Variants in CAMK2G observed in about 807,000 individuals in gnomAD.
CAMK2G encodes the protein calcium/calmodulin dependent protein kinase II gamma, also known as calcium/calmodulin-dependent protein kinase type II subunit gamma.
Under a neutral mutation model 88.7 loss-of-function variants are expected in CAMK2G, and 23 were observed. The observed-to-expected ratio is 0.26, with a 90% CI of 0.19 to 0.37. The LOEUF (loss-of-function observed/expected upper bound fraction) is 0.37, where lower values mean the gene tolerates loss of function less well. Among genes scored for constraint, CAMK2G ranks in the 10% least tolerant of loss-of-function variants. The pLI is 1.00. For missense variants in CAMK2G, 476 were observed against 780.8 expected (o/e 0.61, Z 4.65); for synonymous variants, 263 against 294.8 (o/e 0.89, Z 1.11).
At chr10:73,846,128 ATTC>A (rs1164488357) in intron 10 of CAMK2G, among the ~76,000 whole-genome samples, 2 of 152,164 alleles carry the variant, frequency 1.3e-5, no homozygotes, top group African/African-American at 2.4e-5. Context: ...TGCAAATTTC[ATTC>A]TTCTTTAAAA....
At position 73,842,116 on chromosome 10, in the gene CAMK2G, T is replaced by C; in HGVS notation, c.946+53A>G. ...CGGTGCCCGGGATGGCAACAGCCCATTCCTGATCCACTCACCTCGGCATAA... is the reference window on the plus strand; with the variant it reads ...CGGTGCCCGGGATGGCAACAGCCCACTCCTGATCCACTCACCTCGGCATAA... On this transcript the variant is annotated intron_variant, in intron 12 of 22. Coordinates refer to ENST00000423381, the MANE Select transcript of CAMK2G (RefSeq NM_001367534.1). This position sits in a 1 kb window ranked among gnomAD's most constrained non-coding sequence, Gnocchi z 4.6. 1.4e-6 allele frequency: 2 copies of C among 1,452,522 alleles called. No homozygotes were observed. The highest frequency in any genetic ancestry group is 2.3e-5 in the East Asian group (1 of 44,102). The allele number at this position is 1,452,522 out of a possible 1,614,324, so 90.0% of individuals were successfully genotyped here.
chr10:73,848,380 A>G lies in CAMK2G; in HGVS notation c.601+146T>C. 1 of 686,446 alleles carries G rather than the reference A, an allele frequency of 1.5e-6. No individual in the cohort carries two copies. The highest frequency in any genetic ancestry group is 2.7e-6 in the Non-Finnish European group (1 of 373,966). 42.5% of individuals were successfully genotyped at this position (686,446 alleles called of 1,614,324 possible). On this transcript the variant is annotated intron_variant, in intron 8 of 22. Coordinates refer to ENST00000423381, the MANE Select transcript of CAMK2G (RefSeq NM_001367534.1). This position sits in a 1 kb window ranked among gnomAD's most constrained non-coding sequence, Gnocchi z 4.5. ...TACGCAGGGAGGAGGGTGTGATGGG[A>G]ACAGCCATCCCAGGGGCAAACACCA...
At chr10:73,825,440 T>TACCTCCTCCAGGCCA in intron 15 of CAMK2G, 93 bp from the exon 16 acceptor site, 1 of 963,720 alleles carries the variant, frequency 1.0e-6, no homozygotes, top group Non-Finnish European at 1.7e-6. Context: ...TGGTCTGGCC[T>TACCTCCTCCAGGCCA]GGAGGAGGTA....
At chr10:73,843,458 A>G (rs2093974422) in intron 10 of CAMK2G, among the ~76,000 whole-genome samples, 1 of 152,246 alleles carries the variant, frequency 6.6e-6, no homozygotes, top group South Asian at 2.1e-4. Context: ...CACTTCCTCA[A>G]TGACTCAGCT....
At chr10:73,855,510 A>C (rs1591030400) in intron 3 of CAMK2G, among the ~76,000 whole-genome samples, 1 of 152,152 alleles carries the variant, frequency 6.6e-6, no homozygotes, top group East Asian at 1.9e-4. Context: ...CCTCAGCCAG[A>C]ACCCCACCCC....
intron 2 of CAMK2G, among the ~76,000 whole-genome samples, chr10:73,866,013 G>A (rs1466073463): frequency 6.6e-6 from 1 of 152,158 alleles, no homozygotes; most frequent in East Asian, 1.9e-4. Flanking sequence ...CCCTCTGCAG[G>A]TTTTCCCCAT....
At chr10:73,840,034 C>A (rs1017320570) in intron 12 of CAMK2G, among the ~76,000 whole-genome samples, 1 of 152,144 alleles carries the variant, frequency 6.6e-6, no homozygotes, top group Admixed American at 6.5e-5. Flanking sequence ...GGGCGCAGAG[C>A]AGCCCTCTCC....
At chr10:73,853,389 G>A in intron 3 of CAMK2G, 143 bp from the exon 4 acceptor site, 1 of 705,894 alleles carries the variant, frequency 1.4e-6, no homozygotes. Flanking sequence ...GTGGCGACGT[G>A]CCCAGTGCCC....
intron 2 of CAMK2G, among the ~76,000 whole-genome samples, chr10:73,871,646 C>A (rs915357637): frequency 2.6e-5 from 4 of 151,824 alleles, no homozygotes; most frequent in African/African-American, 9.6e-5. Context: ...TCCAGGGTAT[C>A]TGACTGCCCA....
Position 73,824,713 on chromosome 10 carries a change from G to A in CAMK2G, c.1155+566C>T, listed in dbSNP as rs117815498. Among the ~76,000 whole-genome samples, 186 of 152,280 alleles carry A rather than the reference G, an allele frequency of 1.2e-3. 4 individuals are homozygous for A. The East Asian group carries it at 0.023, about 19-fold the overall frequency. On this transcript the variant is annotated intron_variant, in intron 16 of 22. Coordinates refer to ENST00000423381, the MANE Select transcript of CAMK2G (RefSeq NM_001367534.1). ...CACCCCCCTGCTGACTCTCTAGTTA[G>A]CCACCACTAGCAGAGGGACCTCCAA...
chr10:73,830,152 G>A (rs990442755), intron 14 of CAMK2G, among the ~76,000 whole-genome samples: 1 of 152,188 alleles, frequency 6.6e-6, no homozygotes, highest in Admixed American at 6.5e-5. Context: ...CTTTTCCAAA[G>A]ACTGTTTCTC....
chr10:73,869,625 C>T (rs753455227), intron 2 of CAMK2G, among the ~76,000 whole-genome samples: 7 of 152,198 alleles, frequency 4.6e-5, no homozygotes, highest in African/African-American at 7.2e-5. Context: ...GGCTGGCATA[C>T]GTCAGGCACT....
intron 14 of CAMK2G, among the ~76,000 whole-genome samples, chr10:73,835,423 A>G (rs1325264431): frequency 1.3e-5 from 2 of 151,674 alleles, no homozygotes; most frequent in Non-Finnish European, 2.9e-5. Context: ...CAGCCTCCCA[A>G]GTAGCTGTGA....
chr10:73,818,522 C>A, intron 19 of CAMK2G: 1 of 366,684 alleles, frequency 2.7e-6, no homozygotes, highest in South Asian at 2.0e-5. Context: ...GAGCAAAAGG[C>A]TGCAAGACAA....
chr10:73,854,548 G>A lies in CAMK2G; in HGVS notation c.221-1302C>T, dbSNP rs529032639. On this transcript the variant is annotated intron_variant, in intron 3 of 22. Transcript: ENST00000423381. ...TTGCTCCAAGCCTTGGCAGTTACAG[G>A]TGCACCTCATGGAGCACTTCAGGAA... Among the ~76,000 whole-genome samples, 3 of 152,238 alleles carry A rather than the reference G, an allele frequency of 2.0e-5. No individual in the cohort carries two copies. In the East Asian group the frequency reaches 5.8e-4, roughly 29 times the overall value.
At chr10:73,873,614 A>C in intron 1 of CAMK2G, 1 of 765,916 alleles carries the variant, frequency 1.3e-6, no homozygotes, top group Non-Finnish European at 1.6e-6. Flanking sequence ...GGCTCAACTG[A>C]CAGCAAGGGA....
At chr10:73,826,074 CCA>C (rs1257256498) in intron 15 of CAMK2G, among the ~76,000 whole-genome samples, 2 of 152,120 alleles carry the variant, frequency 1.3e-5, no homozygotes, top group African/African-American at 4.8e-5. Flanking sequence ...ACAGAGTAGG[CCA>C]CACACAGGCC....
rs772636813 is a variant in CAMK2G at position 73,847,363 on chromosome 10, A to G, written c.697-16T>C. On this transcript the variant is annotated splice_polypyrimidine_tract_variant and intron_variant, in intron 9 of 22. Transcript: ENST00000423381. Reference sequence around the variant, plus strand: ...GTGATGGGAACTAAGGAGCAGGAATAGGGAGAAGAATGTGGTATTGGTGAG... The same window carrying G: ...GTGATGGGAACTAAGGAGCAGGAATGGGGAGAAGAATGTGGTATTGGTGAG... 7.4e-6 allele frequency: 12 copies of G among 1,613,822 alleles called. No individual in the cohort carries two copies. Among genetic ancestry groups the G allele is most frequent in the African/African-American group, 4.0e-5 (3 of 74,910 alleles).
At chr10:73,841,993 A>G (rs1167213078) in intron 12 of CAMK2G, 176 bp downstream of exon 12, 2 of 646,000 alleles carry the variant, frequency 3.1e-6, no homozygotes, top group Admixed American at 2.6e-5. Flanking sequence ...CAGCCCCCTG[A>G]ATCTCAGGAG....
Sources: allele counts gnomAD v4.1 joint callset (sites outside exome capture counted in the v4.1 genomes callset), GRCh38; gene constraint gnomAD v4.1.1; non-coding constraint Gnocchi (gnomAD v3.1); transcripts MANE v1.5; gene names NCBI Gene and HGNC (gene_info 2026-07-23, HGNC 2026-07-21).